Variants in SPRY3 observed in about 807,000 individuals in gnomAD.
SPRY3 encodes the protein sprouty RTK signaling antagonist 3, also known as protein sprouty homolog 3.
A neutral mutation model predicts 20.2 loss-of-function variants in SPRY3; 15 were observed. That is an observed-to-expected ratio of 0.74 (90% CI 0.50 to 1.14). The LOEUF (loss-of-function observed/expected upper bound fraction) is 1.14, where lower values mean the gene tolerates loss of function less well. Among genes scored for constraint, SPRY3 ranks in the 50% most tolerant of loss-of-function variants. SPRY3 has a pLI of 0.00. For synonymous variants in SPRY3, 143 were observed against 136.5 expected (o/e 1.05, Z -0.33); for missense variants, 364 against 363.9 (o/e 1.00, Z 0.00).
intron 2 of SPRY3, among the ~76,000 whole-genome samples, chrX:155,729,877 C>A (rs1446839723): frequency 6.6e-6 from 1 of 151,998 alleles, no homozygotes; most frequent in African/African-American, 2.4e-5. Context: ...GGAAATATCA[C>A]AACCAATACC....
exon 2 of SPRY3, chrX:155,782,412 A>G (rs1264984892): frequency 6.0e-6 from 1 of 166,960 alleles, no homozygotes; most frequent in African/African-American, 2.4e-5. Flanking sequence ...GGAGTCATAC[A>G]TCTGGCTACT....
intron 2 of SPRY3, among the ~76,000 whole-genome samples, chrX:155,722,732 G>A (rs2091068218): frequency 6.6e-6 from 1 of 151,974 alleles, no homozygotes; most frequent in Admixed American, 6.6e-5. Flanking sequence ...ACATAGACTG[G>A]CTGAATGGAT....
chrX:155,741,879 C>T (rs2091205910), intron 2 of SPRY3, among the ~76,000 whole-genome samples: 1 of 152,132 alleles, frequency 6.6e-6, no homozygotes, highest in South Asian at 2.1e-4. Context: ...CTTTGCCAGC[C>T]ACTACTAAAA....
chrX:155,676,085 A>G (rs1348328987), intron 2 of SPRY3, among the ~76,000 whole-genome samples: 1 of 110,924 alleles, frequency 9.0e-6, no homozygotes, highest in Non-Finnish European at 1.9e-5. Context: ...GAAATGAAGA[A>G]ATACATTTTC....
At chrX:155,656,452 C>T (rs782561474) in intron 1 of SPRY3, among the ~76,000 whole-genome samples, 1 of 110,908 alleles carries the variant, frequency 9.0e-6, no homozygotes, top group South Asian at 3.9e-4. Context: ...TCCATCAGGT[C>T]ATTTATATTC....
At chrX:155,776,951 A>G (rs1188248532), downstream of SPRY3, 1 of 167,082 alleles carries the variant, frequency 6.0e-6, no homozygotes, top group East Asian at 1.9e-4. Flanking sequence ...GATTATTAAT[A>G]ATGTTAATGA....
intron 2 of SPRY3, among the ~76,000 whole-genome samples, chrX:155,720,146 A>G (rs1206612561): frequency 1.3e-5 from 2 of 152,036 alleles, no homozygotes; most frequent in South Asian, 2.1e-4. Flanking sequence ...GTGAACATTG[A>G]CAGTAGTCTG....
chrX:155,741,706 T>C (rs2091205194), intron 2 of SPRY3, among the ~76,000 whole-genome samples: 1 of 152,008 alleles, frequency 6.6e-6, no homozygotes, highest in Admixed American at 6.6e-5. Context: ...TCAACGTTCT[T>C]AAAAAAAGAA....
exon 4 of SPRY3, chrX:155,773,915 T>C: frequency 6.2e-7 from 1 of 1,613,932 alleles, no homozygotes; most frequent in South Asian, 1.1e-5. Context: ...ATTCTGCCTA[T>C]TGAACAGCTG....
At chrX:155,754,999 A>G (rs186599818) in intron 2 of SPRY3, among the ~76,000 whole-genome samples, 3 of 151,846 alleles carry the variant, frequency 2.0e-5, no homozygotes, top group East Asian at 3.9e-4. Flanking sequence ...GGAATTTGCT[A>G]TGGAAGTTTG....
At chrX:155,682,429 A>G (rs752983606) in intron 2 of SPRY3, among the ~76,000 whole-genome samples, 52 of 113,068 alleles carry the variant, frequency 4.6e-4, no homozygotes, top group African/African-American at 1.6e-3. Context: ...CACAACAACC[A>G]TTCTGTGGCT....
At chrX:155,778,674 A>T (rs1226483382), downstream of SPRY3, 1 of 167,138 alleles carries the variant, frequency 6.0e-6, no homozygotes, top group Non-Finnish European at 1.5e-5. Context: ...GGTCCGTATA[A>T]CACATTTTAC....
chrX:155,659,183 C>T (rs1240973019), intron 2 of SPRY3, among the ~76,000 whole-genome samples: 2 of 106,092 alleles, frequency 1.9e-5, no homozygotes, highest in Non-Finnish European at 3.9e-5. Context: ...CTCGCTCTGT[C>T]GCCCAGGCTG....
intron 1 of SPRY3, among the ~76,000 whole-genome samples, chrX:155,643,163 G>A (rs2067947461): frequency 9.0e-6 from 1 of 111,542 alleles, no homozygotes; most frequent in Non-Finnish European, 1.9e-5. Flanking sequence ...CCAGTATTGG[G>A]TGCATATGTA....
At chrX:155,760,458 A>T (rs1205316039) in intron 2 of SPRY3, among the ~76,000 whole-genome samples, 1 of 152,186 alleles carries the variant, frequency 6.6e-6, no homozygotes, top group African/African-American at 2.4e-5. Context: ...GCAGATTCTT[A>T]ACCAGGTTTC....
intron 2 of SPRY3, among the ~76,000 whole-genome samples, chrX:155,750,342 G>C (rs1160719319): frequency 6.6e-6 from 1 of 151,786 alleles, no homozygotes; most frequent in Non-Finnish European, 1.5e-5. Context: ...CACTACCTGG[G>C]TGACGGGATC....
intron 2 of SPRY3, among the ~76,000 whole-genome samples, chrX:155,708,085 T>A (rs1230910785): frequency 6.6e-6 from 1 of 151,264 alleles, no homozygotes; most frequent in Non-Finnish European, 1.5e-5. Flanking sequence ...ATTTTGTTAA[T>A]GGCTGCTCCA....
At chrX:155,751,486 A>C (rs752162353) in intron 2 of SPRY3, among the ~76,000 whole-genome samples, 2 of 152,014 alleles carry the variant, frequency 1.3e-5, no homozygotes, top group African/African-American at 4.8e-5. Context: ...CATGGCTTCA[A>C]TTCTGAATCA....
intron 2 of SPRY3, among the ~76,000 whole-genome samples, chrX:155,750,309 A>G (rs1178208477): frequency 2.0e-5 from 3 of 151,866 alleles, no homozygotes; most frequent in Admixed American, 2.0e-4. Context: ...AGGGTTGAAA[A>G]ACTAACTGTT....
Sources: gnomAD v4.1 joint callset for allele counts (sites outside exome capture counted in the v4.1 genomes callset) on GRCh38, gnomAD v4.1.1 for gene constraint, MANE v1.5 for transcripts, NCBI Gene and HGNC (gene_info 2026-07-23, HGNC 2026-07-21) for gene names.